The following SALL1 variants were observed in gnomAD, a reference collection of about 807,000 sequenced individuals.
SALL1 encodes spalt like transcription factor 1, also known as sal-like protein 1.
A neutral mutation model predicts 73.1 loss-of-function variants in SALL1; 10 were observed. The observed-to-expected ratio is 0.14, with a 90% confidence interval of 0.08 to 0.23. The LOEUF is 0.23. Among genes scored for constraint, SALL1 ranks in the 10% least tolerant of loss-of-function variants. The probability of loss-of-function intolerance (pLI) is 1.00; values close to 1 mark genes in which losing one functional copy is unlikely to be tolerated. For missense variants in SALL1, 1,520 were observed against 1,697.3 expected, an observed-to-expected ratio of 0.90 and a Z score of 1.84; for synonymous variants, 688 against 689.8, an observed-to-expected ratio of 1.00 and a Z score of 0.04.
chr16:51,143,416 G>GAAA (rs34204387), intron 1 of SALL1: 20,515 of 245,198 alleles, frequency 0.084, 59 homozygotes, highest in South Asian at 0.19. Flanking sequence ...AGGCTGTGAA[G>GAAA]AAAAAAAAAA....
At position 51,151,209 on chromosome 16, in the gene SALL1, A is replaced by C. The variant is rs762226535; in HGVS notation, c.33T>G (p.His11Gln). The C allele has an allele frequency of 6.2e-7, 1 of 1,602,488 alleles. No homozygotes were observed. Among genetic ancestry groups the C allele is most frequent in the South Asian group, 1.1e-5 (1 of 88,446 alleles). ...AGGCCACTTCGGGGTCGGATTGGAA[A>C]TGTTGAGGCTTCGCTTGCTTCCTCC... MSRRKQAKPQ[H>Q]FQSDPEVASL... Residue 11 changes from histidine to glutamine, a missense_variant, in exon 1 of 3, where the codon CAT becomes CAG. His to Gln is a conservative substitution (Grantham distance 24, BLOSUM62 0). Around this residue, in one of 7 missense-constraint regions of SALL1, gnomAD observed 540 missense variants for 567.5 expected, o/e 0.95. Coordinates refer to ENST00000251020, the MANE Select transcript of SALL1 (RefSeq NM_002968.3).
At position 51,141,709 on chromosome 16, in the gene SALL1, C is replaced by T; in HGVS notation, c.513G>A (p.Ala171=). 3 of 1,613,546 alleles carry T rather than the reference C, an allele frequency of 1.9e-6. No individual in the cohort carries two copies. Among genetic ancestry groups the T allele is most frequent in the Non-Finnish European group, 2.5e-6 (3 of 1,179,996 alleles). ...GGGSSSTGTS[A]ITTSLPQLGD... is the part of the protein sequence containing the mutation. ...CGAGTTGAGGTAGAGAGGTTGTGATCGCTGAGGTACCTGTGGAGGAGCTGC... is the reference window on the plus strand; with the variant it reads ...CGAGTTGAGGTAGAGAGGTTGTGATTGCTGAGGTACCTGTGGAGGAGCTGC... Residue 171 remains alanine, a synonymous_variant, in exon 2 of 3, where the codon GCG becomes GCA. Transcript: ENST00000251020. The surrounding 1 kb of genome is among the most constrained non-coding windows in gnomAD (Gnocchi z 5.4).
chr16:51,141,744 C>CGGTGCT lies in SALL1; in HGVS notation c.477_478insAGCACC (p.Ser159_Gly160insSerThr). On this transcript the variant is annotated inframe_insertion, in exon 2 of 3. Transcript: ENST00000251020. This position sits in a 1 kb window ranked among gnomAD's most constrained non-coding sequence, Gnocchi z 5.4. ...CCTGTGGAGGAGCTGCCGCCGCCGCCGCTGCTGCTGCTGCTGCTGCTGCTG... is the reference window on the plus strand; with the variant it reads ...CCTGTGGAGGAGCTGCCGCCGCCGCCGGTGCTGCTGCTGCTGCTGCTGCTGCTGCTG... 6.3e-7 allele frequency: 1 copy of CGGTGCT among 1,579,896 alleles called. No homozygotes were observed. Among genetic ancestry groups the CGGTGCT allele is most frequent in the Non-Finnish European group, 8.6e-7 (1 of 1,156,210 alleles).
chr16:51,151,250 A>G lies in SALL1; in HGVS notation c.-9T>C. ...TGCTTCCTCCGCGACATGCTGGCTC[A>G]AACATCAGCTGGGGCAGAATAAAAA... On this transcript the variant is annotated 5_prime_UTR_variant, in exon 1 of 3. Coordinates refer to ENST00000251020, the MANE Select transcript of SALL1 (RefSeq NM_002968.3). 6.3e-7 allele frequency: 1 copy of G among 1,593,264 alleles called. No individual in the cohort carries two copies. Among genetic ancestry groups the G allele is most frequent in the Non-Finnish European group, 8.5e-7 (1 of 1,170,262 alleles).
chr16:51,138,897 G>A lies in SALL1; in HGVS notation c.3325C>T (p.Pro1109Ser). 6.2e-7 allele frequency: 1 copy of A among 1,614,182 alleles called. No homozygotes were observed. The highest frequency in any genetic ancestry group is 8.5e-7 in the Non-Finnish European group (1 of 1,180,048). ...GCAGAGGAAGACAGAGGCCCAGACG[G>A]GACGTGACTGGTGGGGGTGTCCTTA... ...DSKDTPTSHV[P>S]SGPLSSSATS... Residue 1109 changes from proline to serine, a missense_variant, in exon 2 of 3, where the codon CCG (proline) becomes TCG (serine). Around this residue, in one of 7 missense-constraint regions of SALL1, gnomAD observed 318 missense variants for 357.1 expected, o/e 0.89. Coordinates refer to ENST00000251020, the MANE Select transcript of SALL1 (RefSeq NM_002968.3).
rs1962299106 is a variant in SALL1 at position 51,136,414 on chromosome 16, T to A, written c.*698A>T. The A allele has an allele frequency of 6.5e-6, 1 of 152,674 alleles. No individual in the cohort carries two copies. Among genetic ancestry groups the A allele is most frequent in the Non-Finnish European group, 1.5e-5 (1 of 68,046 alleles). The allele number at this position is 152,674 out of a possible 1,614,324, so 9.5% of individuals were successfully genotyped here. ...AAACAACGCTTGTTTTCTTTTTCTC[T>A]AAAGAATTCTGCGTGCTTATTACTG... On this transcript the variant is annotated 3_prime_UTR_variant, in exon 3 of 3. Coordinates refer to ENST00000251020, the MANE Select transcript of SALL1 (RefSeq NM_002968.3).
rs765733999 is a variant in SALL1 at position 51,141,976 on chromosome 16, G to C, written c.246C>G (p.Pro82=). The change falls in exon 2 of 3, where the codon CCC becomes CCG. Residue 82 remains proline (P), a synonymous_variant. Coordinates refer to ENST00000251020, the MANE Select transcript of SALL1 (RefSeq NM_002968.3). This position sits in a 1 kb window ranked among gnomAD's most constrained non-coding sequence, Gnocchi z 5.4. ...GAGGGGGGCTGGGGGAGAAGGTTTC[G>C]GGTGGGGAGGCTGGATTTTCATTTA... The part of the protein sequence containing the change: ...LIVNENPASP[P]ETFSPSPPPD... 2.5e-6 allele frequency: 4 copies of C among 1,613,972 alleles called. No homozygotes were observed. Among genetic ancestry groups the C allele is most frequent in the Non-Finnish European group, 3.4e-6 (4 of 1,180,002 alleles).
rs754281700 is a variant in SALL1, at chr16:51,141,052, T to C, written c.1170A>G (p.Pro390=). The C allele has an allele frequency of 1.2e-6, 2 of 1,613,884 alleles. No individual in the cohort carries two copies. Among genetic ancestry groups the C allele is most frequent in the Admixed American group, 3.3e-5 (2 of 59,990 alleles). The change falls in exon 2 of 3, where the codon CCA becomes CCG. Residue 390 remains proline (P), a synonymous_variant. Coordinates refer to ENST00000251020, the MANE Select transcript of SALL1 (RefSeq NM_002968.3). The surrounding 1 kb of genome is among the most constrained non-coding windows in gnomAD (Gnocchi z 5.4). ...ISSLLSPASN[P]LLPQQASANS... is the part of the protein sequence containing the mutation. Reference sequence around the variant, plus strand: ...TAGCGGAGGCTTGCTGAGGTAGAAGTGGATTAGACGCAGGACTTAATAAAC... The same window carrying C: ...TAGCGGAGGCTTGCTGAGGTAGAAGCGGATTAGACGCAGGACTTAATAAAC...
In SALL1 at chr16:51,138,998, A is replaced by G. The variant is rs1567314746; in HGVS notation, c.3224T>C (p.Val1075Ala). 1.2e-6 allele frequency: 2 copies of G among 1,614,046 alleles called. No individual in the cohort carries two copies. The highest frequency in any genetic ancestry group is 1.7e-6 in the Non-Finnish European group (2 of 1,180,046). Residue 1075 changes from valine to alanine, a missense_variant, in exon 2 of 3, where the codon GTG (valine) becomes GCG (alanine). Physicochemically the swap from Val to Ala is moderately conservative, Grantham distance 64 (BLOSUM62 0). This residue lies in a region of SALL1 where 318 missense variants were observed against 357.1 expected (regional missense o/e 0.89). Coordinates refer to ENST00000251020, the MANE Select transcript of SALL1 (RefSeq NM_002968.3). ...SNLGPNQNSA[V>A]IPANSLSSLI... is the part of the protein sequence containing the mutation. ...AGATGACAACGAGTTGGCGGGAATC[A>G]CCGCTGAGTTCTGATTGGGGCCAAG... is the stretch of plus-strand genomic sequence containing the variant.
intron 1 of SALL1, among the ~76,000 whole-genome samples, chr16:51,143,585 T>C (rs1347229909): frequency 6.6e-6 from 1 of 152,246 alleles, no homozygotes; most frequent in African/African-American, 2.4e-5. Context: ...ATGCTGCTTT[T>C]TTCAGTAAAC....
chr16:51,151,737 C>G (rs1271257262), upstream of SALL1, among the ~76,000 whole-genome samples: 1 of 149,446 alleles, frequency 6.7e-6, no homozygotes, highest in Non-Finnish European at 1.5e-5. Flanking sequence ...TCTTCCCTCC[C>G]TCCTTCGCCC....
intron 1 of SALL1, among the ~76,000 whole-genome samples, chr16:51,145,368 T>C (rs1054105351): frequency 1.3e-5 from 2 of 152,264 alleles, no homozygotes; most frequent in East Asian, 1.9e-4. Context: ...CCTTGTTCCT[T>C]GTACTATGGT....
chr16:51,137,312 C>A lies in SALL1; in HGVS notation c.3775G>T (p.Gly1259Cys), dbSNP rs1258633460. 1 of 1,614,072 alleles carries A rather than the reference C, an allele frequency of 6.2e-7. No homozygotes were observed. The highest frequency in any genetic ancestry group is 1.7e-5 in the Admixed American group (1 of 60,016). ...AGGCTTCCAGGAATTGGAGGGATGCCACCGTTCTGAATGACGGAGATCTCG... is the reference window on the plus strand; with the variant it reads ...AGGCTTCCAGGAATTGGAGGGATGCAACCGTTCTGAATGACGGAGATCTCG... ...ANEISVIQNGGIPPIPGSLGS... is the reference protein window; with the variant it reads ...ANEISVIQNGCIPPIPGSLGS... Residue 1259 changes from glycine to cysteine, a missense_variant, in exon 3 of 3, where the codon GGC (glycine) becomes TGC (cysteine). By Grantham distance (159) the Gly-to-Cys change is radical. This residue lies in a region of SALL1 where 318 missense variants were observed against 357.1 expected (regional missense o/e 0.89). Coordinates refer to ENST00000251020, the MANE Select transcript of SALL1 (RefSeq NM_002968.3).
upstream of SALL1, chr16:51,151,341 C>T (rs990023163): frequency 6.5e-6 from 5 of 772,558 alleles, no homozygotes; most frequent in South Asian, 3.7e-5. Context: ...CGGCTCCCCC[C>T]GCCCGCCGGC....
rs1463133774 is a variant in SALL1 at position 51,139,631 on chromosome 16, G to A, written c.2591C>T (p.Ala864Val). ...SPLPLEMSSI[A>V]ALENQMKMIN... ...CATCTTCATCTGATTTTCCAAAGCA[G>A]CGATGCTCGACATCTCGAGGGGCAA... Residue 864 changes from alanine to valine, a missense_variant, in exon 2 of 3, where the codon GCT becomes GTT. By Grantham distance (64) the Ala-to-Val change is moderately conservative. Around this residue, in one of 7 missense-constraint regions of SALL1, gnomAD observed 266 missense variants for 275.1 expected, o/e 0.97. Transcript: ENST00000251020. 1.2e-6 allele frequency: 2 copies of A among 1,613,688 alleles called. No homozygotes were observed. The highest frequency in any genetic ancestry group is 2.2e-5 in the East Asian group (1 of 44,874).
chr16:51,142,338 C>T (rs997944998), intron 1 of SALL1, among the ~76,000 whole-genome samples, 193 bp from the exon 2 acceptor site: 13 of 152,098 alleles, frequency 8.5e-5, no homozygotes, highest in African/African-American at 2.4e-4. Flanking sequence ...CCTATCCATC[C>T]GGTATTTCAG....
rs778003040 is a variant in SALL1, at chr16:51,142,140, T to G, written c.82A>C (p.Thr28Pro). Reference sequence around the variant, plus strand: ...GGGCGACTCGGTTGACCCTTTTCTGTGTCTCCTACAAATGTCAAAAAGGTG... The same window carrying G: ...GGGCGACTCGGTTGACCCTTTTCTGGGTCTCCTACAAATGTCAAAAAGGTG... Reference protein sequence around the residue: ...VASLPRRDGDTEKGQPSRPTK... With the variant: ...VASLPRRDGDPEKGQPSRPTK... The change falls in exon 2 of 3, where the codon ACA (threonine) becomes CCA (proline). Residue 28 changes from threonine (T) to proline (P), a missense_variant. Physicochemically the swap from Thr to Pro is conservative, Grantham distance 38 (BLOSUM62 -1). Around this residue, in one of 7 missense-constraint regions of SALL1, gnomAD observed 540 missense variants for 567.5 expected, o/e 0.95. Coordinates refer to ENST00000251020, the MANE Select transcript of SALL1 (RefSeq NM_002968.3). 1 of 1,611,980 alleles carries G rather than the reference T, an allele frequency of 6.2e-7. No individual in the cohort carries two copies. Among genetic ancestry groups the G allele is most frequent in the Non-Finnish European group, 8.5e-7 (1 of 1,179,196 alleles).
chr16:51,142,118 C>T lies in SALL1; in HGVS notation c.104G>A (p.Arg35His), dbSNP rs754846300. ...GTGGGCATCCTTGCTCTTAGTAGGG[C>T]GACTCGGTTGACCCTTTTCTGTGTC... ...DGDTEKGQPS[R>H]PTKSKDAHVC... Residue 35 changes from arginine (R) to histidine (H), a missense_variant, in exon 2 of 3, where the codon CGC becomes CAC. By Grantham distance (29) the Arg-to-His change is conservative. Around this residue, in one of 7 missense-constraint regions of SALL1, gnomAD observed 540 missense variants for 567.5 expected, o/e 0.95. Coordinates refer to ENST00000251020, the MANE Select transcript of SALL1 (RefSeq NM_002968.3). 5.6e-6 allele frequency: 9 copies of T among 1,613,232 alleles called. No homozygotes were observed. The highest frequency in any genetic ancestry group is 1.3e-5 in the African/African-American group (1 of 74,920).
At chr16:51,137,874 T>C (rs1173863893) in intron 2 of SALL1, among the ~76,000 whole-genome samples, 1 of 152,222 alleles carries the variant, frequency 6.6e-6, no homozygotes, top group African/African-American at 2.4e-5. Flanking sequence ...CAGTGGCGGA[T>C]AGCTCCTTTC....
Sources: gnomAD v4.1 joint callset for allele counts (sites outside exome capture counted in the v4.1 genomes callset) on GRCh38, gnomAD v4.1.1 for gene constraint, gnomAD v4.1.1 regional missense constraint, Gnocchi (gnomAD v3.1) non-coding constraint, MANE v1.5 for transcripts, NCBI Gene and HGNC (gene_info 2026-07-23, HGNC 2026-07-21) for gene names.